The following PEX5L variants were observed in gnomAD, a reference collection of about 807,000 sequenced individuals.
PEX5L encodes PEX5-related protein.
Under a neutral mutation model 84.0 loss-of-function variants are expected in PEX5L, and 30 were observed. The ratio of observed to expected loss-of-function variants is 0.36; its 90% CI spans 0.27 to 0.48. PEX5L has a LOEUF of 0.48. Ranked by LOEUF, PEX5L falls within the 20% of genes least tolerant of loss-of-function variation. The pLI is 0.99. For synonymous variants in PEX5L, 270 were observed against 283.1 expected (o/e 0.95, Z 0.46); for missense variants, 533 against 754.6 (o/e 0.71, Z 3.44).
At chr3:180,006,763 T>G (rs562893952) in intron 1 of PEX5L, among the ~76,000 whole-genome samples, 1 of 152,260 alleles carries the variant, frequency 6.6e-6, no homozygotes, top group African/African-American at 2.4e-5. Context: ...TGATAAACCC[T>G]TCAGATCTTG....
chr3:179,898,285 A>T (rs1427482703), intron 2 of PEX5L, 39 bp from the exon 3 acceptor site: 10 of 1,338,038 alleles, frequency 7.5e-6, no homozygotes, highest in African/African-American at 1.4e-5. Context: ...GTCAGGAGAG[A>T]TCTTTAACTT....
chr3:179,944,027 T>C (rs1776867618), intron 2 of PEX5L, among the ~76,000 whole-genome samples: 1 of 149,684 alleles, frequency 6.7e-6, no homozygotes, highest in South Asian at 2.1e-4. Flanking sequence ...TGAAAAAGTT[T>C]ATAAACTTAT....
In PEX5L at chr3:179,938,013, C is replaced by T. The variant is rs189531820; in HGVS notation, c.93+33581G>A. Among the ~76,000 whole-genome samples, 284 of 152,110 alleles carry T rather than the reference C, an allele frequency of 1.9e-3. 1 individual carries two copies. Among genetic ancestry groups the T allele is most frequent in the African/African-American group, 6.1e-3 (252 of 41,498 alleles). On this transcript the variant is annotated intron_variant, in intron 2 of 14. Coordinates refer to ENST00000467460, the MANE Select transcript of PEX5L (RefSeq NM_016559.3). ...CCACCTCCTCCATCTCTACCTCCAC[C>T]ACCACCGTCACCACTACCTTCACCA...
intron 2 of PEX5L, among the ~76,000 whole-genome samples, chr3:179,939,835 T>C (rs1775581925): frequency 6.6e-6 from 1 of 152,120 alleles, no homozygotes; most frequent in Non-Finnish European, 1.5e-5. Flanking sequence ...TCTGGTGGTG[T>C]ACATCATGCA....
At chr3:179,965,541 T>C (rs1783118465) in intron 2 of PEX5L, among the ~76,000 whole-genome samples, 1 of 152,206 alleles carries the variant, frequency 6.6e-6, no homozygotes, top group Non-Finnish European at 1.5e-5. Flanking sequence ...CTATCTTACC[T>C]GCCTCTGTGC....
intron 2 of PEX5L, among the ~76,000 whole-genome samples, chr3:179,917,175 G>A (rs1767482265): frequency 6.6e-6 from 1 of 151,874 alleles, no homozygotes; most frequent in Non-Finnish European, 1.5e-5. Flanking sequence ...GGCCTACACA[G>A]GGTCAGGATC....
intron 1 of PEX5L, among the ~76,000 whole-genome samples, chr3:180,023,568 C>T (rs965647551): frequency 6.6e-6 from 1 of 152,088 alleles, no homozygotes; most frequent in Non-Finnish European, 1.5e-5. Flanking sequence ...TGACCAAGCA[C>T]TCACAGATGT....
At chr3:179,955,627 G>A (rs6443683) in intron 2 of PEX5L, among the ~76,000 whole-genome samples, 108,671 of 151,722 alleles carry the variant, frequency 0.72, 39,515 homozygotes, top group East Asian at 0.89. Flanking sequence ...GCCTCAGCAT[G>A]ATTTTTGCTG....
At chr3:180,024,440 G>A (rs1477850234) in intron 1 of PEX5L, among the ~76,000 whole-genome samples, 1 of 147,558 alleles carries the variant, frequency 6.8e-6, no homozygotes, top group Admixed American at 6.7e-5. Flanking sequence ...AGATACTCAG[G>A]AGGCTGAGGC....
In PEX5L at chr3:179,871,104, T is replaced by C. The variant is rs945648673; in HGVS notation, c.726+3223A>G. On this transcript the variant is annotated intron_variant, in intron 7 of 14. Coordinates refer to ENST00000467460, the MANE Select transcript of PEX5L (RefSeq NM_016559.3). ...CTGTGAACCATTTGAGTTATACTTTTTTTTTTTTTTTTTTTTTTGGCTGAG... is the reference window on the plus strand; with the variant it reads ...CTGTGAACCATTTGAGTTATACTTTCTTTTTTTTTTTTTTTTTTGGCTGAG... Among the ~76,000 whole-genome samples the C allele has an allele frequency of 6.8e-4, 98 of 144,118 alleles. 4 individuals are homozygous for C. The highest frequency in any genetic ancestry group is 3.6e-3 in the South Asian group (16 of 4,406). 94.5% of individuals were successfully genotyped at this position (144,118 alleles called of 152,430 possible). A position where few individuals can be genotyped will look rare whatever the true frequency, so the allele number is the denominator to read the frequency against.
intron 7 of PEX5L, among the ~76,000 whole-genome samples, chr3:179,873,413 A>C (rs1348601506): frequency 2.6e-5 from 4 of 152,102 alleles, no homozygotes; most frequent in African/African-American, 9.7e-5. Flanking sequence ...TAAACACTGA[A>C]TCTCATCTCA....
At position 179,798,280 on chromosome 3, in the gene PEX5L, G is replaced by GCA. The variant is rs1219205405; in HGVS notation, c.*3546_*3547dup. Reference sequence around the variant, plus strand: ...GTAGGAATCCAGATTGACTGAGAAAGCACGGTGCATAGTATTCTATTAAAA... The same window carrying GCA: ...GTAGGAATCCAGATTGACTGAGAAAGCACACGGTGCATAGTATTCTATTAAAA... On this transcript the variant is annotated 3_prime_UTR_variant, in exon 15 of 15. Coordinates refer to ENST00000467460, the MANE Select transcript of PEX5L (RefSeq NM_016559.3). The GCA allele has an allele frequency of 6.6e-6, 1 of 152,108 alleles. No individual in the cohort carries two copies. Among genetic ancestry groups the GCA allele is most frequent in the Non-Finnish European group, 1.5e-5 (1 of 68,032 alleles). The allele number at this position is 152,108 out of a possible 1,614,324, so 9.4% of individuals were successfully genotyped here.
chr3:179,934,001 T>A (rs868028474), intron 2 of PEX5L, among the ~76,000 whole-genome samples: 1 of 152,160 alleles, frequency 6.6e-6, no homozygotes, highest in Admixed American at 6.5e-5. Context: ...GAAGACCCAA[T>A]GGGACACAAA....
chr3:179,957,438 G>C (rs1441539054), intron 2 of PEX5L, among the ~76,000 whole-genome samples: 2 of 152,152 alleles, frequency 1.3e-5, no homozygotes, highest in African/African-American at 2.4e-5. Flanking sequence ...CATGTCAGGT[G>C]AAAGTCTAAA....
At chr3:179,929,024 T>C (rs1465759381) in intron 2 of PEX5L, among the ~76,000 whole-genome samples, 1 of 152,180 alleles carries the variant, frequency 6.6e-6, no homozygotes, top group African/African-American at 2.4e-5. Context: ...TGTTAAGTTA[T>C]ATCCAAAAAG....
intron 11 of PEX5L, among the ~76,000 whole-genome samples, chr3:179,811,373 T>A (rs1723782308): frequency 6.6e-6 from 1 of 152,120 alleles, no homozygotes; most frequent in African/African-American, 2.4e-5. Flanking sequence ...AAATAGGAGC[T>A]CTAGTCAAGT....
At chr3:179,885,656 A>C (rs1055701397) in intron 4 of PEX5L, among the ~76,000 whole-genome samples, 3 of 152,110 alleles carry the variant, frequency 2.0e-5, no homozygotes, top group Admixed American at 6.5e-5. Context: ...AGAAAAAAAA[A>C]AAAAAGCGGG....
At chr3:179,857,828 A>T (rs1744572983) in intron 8 of PEX5L, among the ~76,000 whole-genome samples, 1 of 152,242 alleles carries the variant, frequency 6.6e-6, no homozygotes, top group Non-Finnish European at 1.5e-5. Context: ...TACAGGCTCC[A>T]TGCATTTGAA....
chr3:179,931,056 A>T (rs1374870004), intron 2 of PEX5L, among the ~76,000 whole-genome samples: 1 of 152,218 alleles, frequency 6.6e-6, no homozygotes, highest in Non-Finnish European at 1.5e-5. Flanking sequence ...AAACACACAC[A>T]CATACACAAA....
Sources: gnomAD v4.1 joint callset for allele counts (sites outside exome capture counted in the v4.1 genomes callset) on GRCh38, gnomAD v4.1.1 for gene constraint, MANE v1.5 for transcripts, NCBI Gene and HGNC (gene_info 2026-07-23, HGNC 2026-07-21) for gene names.